Variants in ANK2 observed in about 807,000 individuals in gnomAD.
The protein encoded by ANK2 is ankyrin-2.
ANK2 carries 83 observed loss-of-function variants against 360.5 expected under a neutral mutation model. That is an observed-to-expected ratio of 0.23 (90% CI 0.19 to 0.28). The LOEUF is 0.28. ANK2 is among the 10% of genes least tolerant of loss of function. ANK2 has a pLI of 1.00. For synonymous variants in ANK2, 1,740 were observed against 1,759.5 expected (o/e 0.99, Z 0.28); for missense variants, 4,201 against 4,795.7 (o/e 0.88, Z 3.66).
chr4:113,190,531 A>C (rs2098643004), intron 2 of ANK2, among the ~76,000 whole-genome samples: 1 of 152,112 alleles, frequency 6.6e-6, no homozygotes, highest in Admixed American at 6.6e-5. Context: ...TACAAACCTA[A>C]AAGAAATAAT....
chr4:112,846,589 T>C (rs1021719990), intron 1 of ANK2, among the ~76,000 whole-genome samples: 2 of 152,152 alleles, frequency 1.3e-5, no homozygotes, highest in Non-Finnish European at 2.9e-5. Context: ...TCTCTTGATC[T>C]CTTCCTGTCT....
chr4:113,299,319 G>GGACAAA lies in ANK2; in HGVS notation c.2476-3447_2476-3442dup, dbSNP rs200525445. ...TCCTTATTGAAATGTTTACTACGAA[G>GGACAAA]GACAAATACTCTAAAACATTTCTGC... is the stretch of plus-strand genomic sequence containing the variant. On this transcript the variant is annotated intron_variant, in intron 22 of 45. Transcript: ENST00000357077. Among the ~76,000 whole-genome samples the GGACAAA allele has an allele frequency of 6.0e-3, 916 of 152,256 alleles. 9 individuals are homozygous for GGACAAA. The highest frequency in any genetic ancestry group is 0.021 in the African/African-American group (860 of 41,552).
intron 1 of ANK2, among the ~76,000 whole-genome samples, chr4:113,096,171 C>A (rs1208256017): frequency 1.3e-5 from 2 of 152,154 alleles, no homozygotes; most frequent in East Asian, 1.9e-4. Context: ...TGAAGGACAC[C>A]TTGTCACTGC....
At position 113,341,810 on chromosome 4, in the gene ANK2, C is replaced by T. The variant is rs371357815; in HGVS notation, c.4016C>T (p.Pro1339Leu). 1.2e-4 allele frequency: 186 copies of T among 1,613,916 alleles called. No homozygotes were observed. The highest frequency in any genetic ancestry group is 1.4e-4 in the Non-Finnish European group (170 of 1,180,006). ...KFVVFAKSHD[P>L]IEARLRCFCM... is the part of the protein sequence containing the mutation. ...GTAGTGTTTGCCAAATCACATGACCCCATTGAAGCCAGGTTGAGGTGTTTC... is the reference window on the plus strand; with the variant it reads ...GTAGTGTTTGCCAAATCACATGACCTCATTGAAGCCAGGTTGAGGTGTTTC... Residue 1339 changes from proline to leucine, a missense_variant, in exon 33 of 46, where the codon CCC becomes CTC. Coordinates refer to ENST00000357077, the MANE Select transcript of ANK2 (RefSeq NM_001148.6).
intron 1 of ANK2, among the ~76,000 whole-genome samples, chr4:112,898,133 C>T (rs2082258155): frequency 6.6e-6 from 1 of 151,992 alleles, no homozygotes; most frequent in Admixed American, 6.6e-5. Context: ...TTATCCTCTC[C>T]CCTTAATTTC....
intron 2 of ANK2, among the ~76,000 whole-genome samples, chr4:112,990,847 A>C (rs58298152): frequency 0.032 from 4,909 of 152,242 alleles, 91 homozygotes; most frequent in African/African-American, 0.039. Flanking sequence ...ATCAAACTCT[A>C]AGTGTTACTG....
chr4:113,093,379 C>A (rs555922263), intron 1 of ANK2, among the ~76,000 whole-genome samples: 2 of 151,808 alleles, frequency 1.3e-5, no homozygotes, highest in African/African-American at 4.8e-5. Context: ...TTTATTTATT[C>A]GAGATGGAGT....
At chr4:112,964,573 C>CTTTTTTTTTTTTT (rs1434179621) in intron 2 of ANK2, among the ~76,000 whole-genome samples, 1 of 138,798 alleles carries the variant, frequency 7.2e-6, no homozygotes, top group African/African-American at 2.6e-5. Flanking sequence ...TTTCTTTTTT[C>CTTTTTTTTTTTTT]TTTTTTTTTT....
intron 1 of ANK2, among the ~76,000 whole-genome samples, chr4:112,851,988 T>C (rs951729969): frequency 6.6e-6 from 1 of 152,224 alleles, no homozygotes; most frequent in Non-Finnish European, 1.5e-5. Flanking sequence ...CACAAACCTA[T>C]GATGAAGCCT....
chr4:113,368,291 C>T lies in ANK2; in HGVS notation c.11318+440C>T, dbSNP rs1301080546. Among the ~76,000 whole-genome samples the T allele has an allele frequency of 3.3e-5, 5 of 152,180 alleles. 1 individual carries two copies. The highest frequency in any genetic ancestry group is 1.3e-4 in the Admixed American group (2 of 15,276). On this transcript the variant is annotated intron_variant, in intron 42 of 45. Coordinates refer to ENST00000357077, the MANE Select transcript of ANK2 (RefSeq NM_001148.6). Reference sequence around the variant, plus strand: ...TCAAATATGCTCTGTAGCACTTCATCGTGCCATTGCTGGTTAGGAGTATGG... The same window carrying T: ...TCAAATATGCTCTGTAGCACTTCATTGTGCCATTGCTGGTTAGGAGTATGG...
chr4:112,943,949 G>A (rs759119014), intron 2 of ANK2, among the ~76,000 whole-genome samples: 1 of 152,140 alleles, frequency 6.6e-6, no homozygotes, highest in Non-Finnish European at 1.5e-5. Context: ...TTGTATGACA[G>A]ATGTAATTTA....
At chr4:113,022,674 A>T (rs920132740) in intron 2 of ANK2, among the ~76,000 whole-genome samples, 1 of 152,236 alleles carries the variant, frequency 6.6e-6, no homozygotes, top group Non-Finnish European at 1.5e-5. Context: ...TGAAGAATTT[A>T]AGCCAGCAGA....
chr4:112,913,479 A>T (rs1407081154), intron 2 of ANK2, among the ~76,000 whole-genome samples: 1 of 152,170 alleles, frequency 6.6e-6, no homozygotes, highest in Non-Finnish European at 1.5e-5. Context: ...ACTTTTACTT[A>T]TTCCAAACTT....
intron 2 of ANK2, among the ~76,000 whole-genome samples, chr4:113,042,034 G>T (rs1001488795): frequency 6.6e-6 from 1 of 152,180 alleles, no homozygotes; most frequent in African/African-American, 2.4e-5. Flanking sequence ...ATTTCTGAGT[G>T]TGTCTGTGAG....
In ANK2 at chr4:113,274,581, C is replaced by T. The variant is rs756495481; in HGVS notation, c.1615C>T (p.Arg539Trp). 1.7e-5 allele frequency: 28 copies of T among 1,614,030 alleles called. No homozygotes were observed. The highest frequency in any genetic ancestry group is 3.3e-5 in the South Asian group (3 of 91,086). Residue 539 changes from arginine (R) to tryptophan (W), a missense_variant, in exon 15 of 46, where the codon CGG (arginine) becomes TGG (tryptophan). Arg to Trp is a moderately radical substitution (Grantham distance 101). Coordinates refer to ENST00000357077, the MANE Select transcript of ANK2 (RefSeq NM_001148.6). ...GTACACACCACTGCACATCTCTGCC[C>T]GGGAGGGCCAGGTGGATGTGGCATC... The part of the protein sequence containing the change: ...NGYTPLHISA[R>W]EGQVDVASVL...
chr4:113,300,584 C>T (rs986331840), intron 22 of ANK2, among the ~76,000 whole-genome samples: 4 of 152,166 alleles, frequency 2.6e-5, no homozygotes, highest in African/African-American at 9.7e-5. Flanking sequence ...GAGTACATAG[C>T]AGCAGATAAA....
intron 1 of ANK2, among the ~76,000 whole-genome samples, chr4:112,884,718 A>C (rs1018988973): frequency 6.6e-6 from 1 of 151,998 alleles, no homozygotes; most frequent in Non-Finnish European, 1.5e-5. Context: ...TTGCTTACAT[A>C]TATTTTGCTT....
chr4:112,879,477 T>C (rs2076134839), intron 1 of ANK2, among the ~76,000 whole-genome samples: 1 of 152,170 alleles, frequency 6.6e-6, no homozygotes, highest in Non-Finnish European at 1.5e-5. Flanking sequence ...CAGATACTTG[T>C]AGTCTTGGCC....
At chr4:113,093,734 A>G (rs191776281) in intron 1 of ANK2, among the ~76,000 whole-genome samples, 3 of 152,316 alleles carry the variant, frequency 2.0e-5, no homozygotes, top group East Asian at 1.9e-4. Flanking sequence ...TCTTTATGTC[A>G]TATGTTCATC....
Sources: allele counts gnomAD v4.1 joint callset (sites outside exome capture counted in the v4.1 genomes callset), GRCh38; gene constraint gnomAD v4.1.1; transcripts MANE v1.5; gene names NCBI Gene and HGNC (gene_info 2026-07-23, HGNC 2026-07-21).